Variants in ATP13A5 observed in about 807,000 individuals in gnomAD.
ATP13A5 encodes the protein probable cation-transporting ATPase 13A5.
In ATP13A5, 149 loss-of-function variants were observed where a neutral mutation model predicts 150.2. The observed-to-expected ratio is 0.99, with a 90% CI of 0.87 to 1.14. The LOEUF (loss-of-function observed/expected upper bound fraction) is 1.14. Ranked by LOEUF, ATP13A5 falls within the 50% of genes most tolerant of loss-of-function variation. ATP13A5 has a pLI of 0.00. For missense variants in ATP13A5, 1,383 were observed against 1,449.3 expected (o/e 0.95, Z 0.74); for synonymous variants, 497 against 522.2 (o/e 0.95, Z 0.66).
chr3:193,351,434 G>T (rs1397062018), intron 6 of ATP13A5, among the ~76,000 whole-genome samples: 1 of 152,066 alleles, frequency 6.6e-6, no homozygotes, highest in Non-Finnish European at 1.5e-5. Context: ...CCCACAAGTT[G>T]ATCATTCTTA....
At chr3:193,306,030 C>T (rs989216065) in intron 22 of ATP13A5, among the ~76,000 whole-genome samples, 1 of 151,928 alleles carries the variant, frequency 6.6e-6, no homozygotes, top group African/African-American at 2.4e-5. Context: ...TGGTTGGGGA[C>T]CTTCACCGTT....
At chr3:193,377,357 C>T (rs1159229888) in intron 1 of ATP13A5, among the ~76,000 whole-genome samples, 1 of 152,168 alleles carries the variant, frequency 6.6e-6, no homozygotes, top group Non-Finnish European at 1.5e-5. Context: ...TATTAACGTT[C>T]CTAGCAGCCA....
intron 8 of ATP13A5, among the ~76,000 whole-genome samples, chr3:193,344,664 A>C (rs1712261323): frequency 6.6e-6 from 1 of 152,144 alleles, no homozygotes; most frequent in Non-Finnish European, 1.5e-5. Context: ...TGTTATTCGA[A>C]TGAGTGACAT....
intron 27 of ATP13A5, among the ~76,000 whole-genome samples, chr3:193,279,719 A>G (rs1428543182): frequency 1.3e-5 from 2 of 152,106 alleles, no homozygotes; most frequent in Non-Finnish European, 2.9e-5. Flanking sequence ...CTGGTGCACT[A>G]TCACTGCGTG....
intron 27 of ATP13A5, among the ~76,000 whole-genome samples, chr3:193,281,636 GTT>G (rs1376835289): frequency 6.6e-6 from 1 of 152,078 alleles, no homozygotes; most frequent in Non-Finnish European, 1.5e-5. Flanking sequence ...AGGGCAAAGA[GTT>G]TTCTGTTACA....
chr3:193,275,757 A>AAT (rs1717168757), intron 29 of ATP13A5, among the ~76,000 whole-genome samples: 1 of 152,242 alleles, frequency 6.6e-6, no homozygotes, highest in Non-Finnish European at 1.5e-5. Context: ...TCTTTTGTTC[A>AAT]CATGCCCACA....
intron 24 of ATP13A5, among the ~76,000 whole-genome samples, chr3:193,299,415 C>T (rs6805083): frequency 0.35 from 53,806 of 151,928 alleles, 9,895 homozygotes; most frequent in East Asian, 0.57. Flanking sequence ...TTCATATTAG[C>T]GACAAAAGTC....
intron 9 of ATP13A5, among the ~76,000 whole-genome samples, chr3:193,335,836 C>T (rs985995618): frequency 6.6e-6 from 1 of 152,178 alleles, no homozygotes; most frequent in African/African-American, 2.4e-5. Flanking sequence ...AGGCCACTTG[C>T]ATTTCCTTTT....
At chr3:193,348,512 C>T (rs1323059740) in intron 7 of ATP13A5, among the ~76,000 whole-genome samples, 1 of 152,102 alleles carries the variant, frequency 6.6e-6, no homozygotes, top group Non-Finnish European at 1.5e-5. Context: ...AGTTGAGTAC[C>T]AAGGTTTGCA....
chr3:193,307,178 A>G (rs1452795390), intron 22 of ATP13A5, 149 bp downstream of exon 22: 2 of 1,500,182 alleles, frequency 1.3e-6, no homozygotes, highest in East Asian at 2.5e-5. Context: ...TCCGCTTCCA[A>G]CCCACACTCA....
At chr3:193,363,999 G>T in intron 2 of ATP13A5, 108 bp downstream of exon 2, 2 of 1,228,498 alleles carry the variant, frequency 1.6e-6, no homozygotes, top group Non-Finnish European at 2.3e-6. Context: ...TCTTTAAATA[G>T]AGGAAATCTA....
intron 16 of ATP13A5, among the ~76,000 whole-genome samples, chr3:193,320,391 G>A (rs879718455): frequency 5.3e-5 from 8 of 152,176 alleles, no homozygotes; most frequent in South Asian, 2.1e-4. Flanking sequence ...TAGTATTAGC[G>A]TAAGTCAAAG....
intron 17 of ATP13A5, among the ~76,000 whole-genome samples, chr3:193,316,748 T>C (rs1377319426): frequency 3.9e-5 from 6 of 152,310 alleles, no homozygotes; most frequent in Non-Finnish European, 7.4e-5. Context: ...TTTGCAGAGA[T>C]TTTCTGCCAT....
chr3:193,374,276 G>GCACA lies in ATP13A5; in HGVS notation c.63+4383_63+4386dup, dbSNP rs542915725. 7.5e-3 allele frequency among the ~76,000 whole-genome samples: 1,104 copies of GCACA among 147,994 alleles called. 12 individuals carry two copies. The highest frequency in any genetic ancestry group is 0.032 in the South Asian group (147 of 4,588). ...CAGGAGATAATCTGTGCATGTATTT[G>GCACA]CACACACACACACACACACACACAC... is the stretch of plus-strand genomic sequence containing the variant. On this transcript the variant is annotated intron_variant, in intron 1 of 29. Transcript: ENST00000342358.
At chr3:193,322,454 G>C in intron 15 of ATP13A5, 37 bp downstream of exon 15, 1 of 1,452,242 alleles carries the variant, frequency 6.9e-7, no homozygotes, top group Non-Finnish European at 9.6e-7. Flanking sequence ...CAGTTTTATG[G>C]GGAAAGAGCT....
At chr3:193,327,804 G>A (rs774693507) in intron 12 of ATP13A5, among the ~76,000 whole-genome samples, 11 of 152,158 alleles carry the variant, frequency 7.2e-5, no homozygotes, top group Admixed American at 6.5e-4. Context: ...GATGCAGTAG[G>A]CTAACAGTTT....
At position 193,318,994 on chromosome 3, in the gene ATP13A5, G is replaced by A. The variant is rs73888252; in HGVS notation, c.2030C>T (p.Ala677Val). Residue 677 changes from alanine to valine, a missense_variant, in exon 17 of 30, where the codon GCC (alanine) becomes GTC (valine). This residue lies in a region of ATP13A5 where 28 missense variants were observed against 55.9 expected (regional missense o/e 0.50). Transcript: ENST00000342358. ...TGCCAATTTCTGAATTGCTTACCTGGCTAAGTGCTCGACTTCTGAAAGATT... is the reference window on the plus strand; with the variant it reads ...TGCCAATTTCTGAATTGCTTACCTGACTAAGTGCTCGACTTCTGAAAGATT... ...MGNLSEVEHL[A>V]REKVESELTF... is the part of the protein sequence containing the mutation. 198,724 of 1,609,594 alleles carry A rather than the reference G, an allele frequency of 0.12. 14,377 individuals are homozygous for A. Among genetic ancestry groups the A allele is most frequent in the East Asian group, 0.3 (13,366 of 44,812 alleles).
intron 25 of ATP13A5, among the ~76,000 whole-genome samples, chr3:193,292,512 TG>T (rs1175918550): frequency 6.6e-6 from 1 of 152,158 alleles, no homozygotes; most frequent in African/African-American, 2.4e-5. Flanking sequence ...GCCAAAGAGA[TG>T]TTAGCATAGA....
intron 12 of ATP13A5, among the ~76,000 whole-genome samples, chr3:193,327,420 G>A (rs896775675): frequency 7.2e-5 from 11 of 152,138 alleles, no homozygotes; most frequent in Admixed American, 2.0e-4. Context: ...CTGCTATCTC[G>A]CTGAAGCAGA....
Sources: allele counts gnomAD v4.1 joint callset (sites outside exome capture counted in the v4.1 genomes callset), GRCh38; gene constraint gnomAD v4.1.1; regional missense constraint gnomAD v4.1.1; transcripts MANE v1.5; gene names NCBI Gene and HGNC (gene_info 2026-07-23, HGNC 2026-07-21).